Variants in FGF10 observed in about 807,000 individuals in gnomAD.
FGF10 encodes FGF-10.
FGF10 carries 2 observed loss-of-function variants against 19.8 expected under a neutral mutation model. The ratio of observed to expected loss-of-function variants is 0.10; its 90% CI spans 0.04 to 0.32. FGF10 has a LOEUF of 0.32. Ranked by LOEUF, FGF10 falls within the 10% of genes least tolerant of loss-of-function variation. The pLI, the probability that FGF10 is intolerant of heterozygous loss-of-function variation, is 1.00. For synonymous variants in FGF10, 112 were observed against 94.0 expected, an observed-to-expected ratio of 1.19 and a Z score of -1.10; for missense variants, 191 against 246.3, an observed-to-expected ratio of 0.78 and a Z score of 1.50.
intron 1 of FGF10, among the ~76,000 whole-genome samples, chr5:44,380,573 G>C (rs1741963065): frequency 6.6e-6 from 1 of 152,156 alleles, no homozygotes; most frequent in Non-Finnish European, 1.5e-5. Flanking sequence ...ATATTTGACA[G>C]GGGTACACAG....
At chr5:44,324,394 G>T (rs1243059741) in intron 1 of FGF10, among the ~76,000 whole-genome samples, 1 of 152,044 alleles carries the variant, frequency 6.6e-6, no homozygotes, top group Non-Finnish European at 1.5e-5. Flanking sequence ...CTTAGAAGAA[G>T]AATATTGAGA....
At chr5:44,305,565 A>T (rs1740056573) in intron 2 of FGF10, among the ~76,000 whole-genome samples, 1 of 152,156 alleles carries the variant, frequency 6.6e-6, no homozygotes, top group Non-Finnish European at 1.5e-5. Context: ...CTTCTTTTAC[A>T]GTAATAACCA....
intron 1 of FGF10, among the ~76,000 whole-genome samples, chr5:44,357,913 G>A (rs1465554394): frequency 1.3e-5 from 2 of 151,310 alleles, no homozygotes; most frequent in African/African-American, 4.8e-5. Flanking sequence ...ATTCCCCTCT[G>A]TCTCCTCCAG....
chr5:44,365,163 C>T (rs1741575831), intron 1 of FGF10, among the ~76,000 whole-genome samples: 2 of 151,680 alleles, frequency 1.3e-5, no homozygotes, highest in Admixed American at 6.6e-5. Context: ...CCTCTGAAAG[C>T]TCCTTCCATA....
At chr5:44,321,538 C>T (rs1265251823) in intron 1 of FGF10, among the ~76,000 whole-genome samples, 1 of 152,176 alleles carries the variant, frequency 6.6e-6, no homozygotes, top group African/African-American at 2.4e-5. Flanking sequence ...GCTGCCGTGA[C>T]TAAAATGGCT....
intron 1 of FGF10, among the ~76,000 whole-genome samples, chr5:44,340,428 C>T (rs1173780208): frequency 1.3e-5 from 2 of 151,934 alleles, no homozygotes; most frequent in African/African-American, 4.8e-5. Flanking sequence ...ACAGCACCAA[C>T]CTAATAGAAA....
intron 1 of FGF10, among the ~76,000 whole-genome samples, chr5:44,352,865 A>C (rs2111828855): frequency 1.3e-5 from 2 of 151,768 alleles, no homozygotes; most frequent in Middle Eastern, 6.8e-3. Context: ...TATGTCCTCA[A>C]TAAATGCTAA....
intron 1 of FGF10, among the ~76,000 whole-genome samples, chr5:44,326,572 T>A (rs1470394653): frequency 6.6e-6 from 1 of 151,930 alleles, no homozygotes; most frequent in Non-Finnish European, 1.5e-5. Context: ...CTAATTTTTT[T>A]TTTTTTAATA....
chr5:44,388,488 C>A lies in FGF10; in HGVS notation c.195G>T (p.Arg65Ser), dbSNP rs1203071781. Residue 65 changes from arginine to serine, a missense_variant, in exon 1 of 3, where the codon AGG (arginine) becomes AGT (serine). Arg to Ser is a moderately radical substitution (Grantham distance 110). Around this residue, in one of 2 missense-constraint regions of FGF10, gnomAD observed 92 missense variants for 84.6 expected, o/e 1.09. Coordinates refer to ENST00000264664, the MANE Select transcript of FGF10 (RefSeq NM_004465.2). ...GAAGGTGATTGTAGCTCCGCACATGCCTTCCCGCGCTGGAAGGAGAGGAGA... is the reference window on the plus strand; with the variant it reads ...GAAGGTGATTGTAGCTCCGCACATGACTTCCCGCGCTGGAAGGAGAGGAGA... ...SSFSSPSSAGRHVRSYNHLQG... is the reference protein window; with the variant it reads ...SSFSSPSSAGSHVRSYNHLQG... 1.2e-6 allele frequency: 2 copies of A among 1,614,072 alleles called. No individual in the cohort carries two copies. Among genetic ancestry groups the A allele is most frequent in the Admixed American group, 3.3e-5 (2 of 60,012 alleles).
intron 1 of FGF10, among the ~76,000 whole-genome samples, chr5:44,314,095 T>C (rs764339528): frequency 4.6e-5 from 7 of 152,086 alleles, no homozygotes; most frequent in South Asian, 4.2e-4. Flanking sequence ...AACTGAGTCA[T>C]GAAGGTTAAG....
chr5:44,311,522 T>C (rs1195951580), intron 1 of FGF10, among the ~76,000 whole-genome samples: 1 of 152,124 alleles, frequency 6.6e-6, no homozygotes, highest in Non-Finnish European at 1.5e-5. Flanking sequence ...GAGAAGTCAC[T>C]GAAGTGTCCC....
At chr5:44,373,824 C>T (rs774399945) in intron 1 of FGF10, among the ~76,000 whole-genome samples, 14 of 152,086 alleles carry the variant, frequency 9.2e-5, no homozygotes, top group Non-Finnish European at 1.6e-4. Flanking sequence ...TTAAAGAAAT[C>T]CAGGTTTCTT....
intron 1 of FGF10, among the ~76,000 whole-genome samples, chr5:44,331,441 A>G (rs1189387126): frequency 6.6e-6 from 1 of 152,180 alleles, no homozygotes; most frequent in Non-Finnish European, 1.5e-5. Context: ...AGGAAAAGGA[A>G]ACTGGAAATG....
intron 1 of FGF10, among the ~76,000 whole-genome samples, chr5:44,326,071 CA>C (rs1740608263): frequency 6.6e-6 from 1 of 151,920 alleles, no homozygotes; most frequent in Non-Finnish European, 1.5e-5. Flanking sequence ...TTAACCAAAA[CA>C]GAAATAAATA....
At chr5:44,350,336 T>C (rs944078077) in intron 1 of FGF10, among the ~76,000 whole-genome samples, 8 of 150,980 alleles carry the variant, frequency 5.3e-5, no homozygotes, top group African/African-American at 1.9e-4. Flanking sequence ...AAATGTACTG[T>C]ATACAGTATG....
rs143956781 is a variant in FGF10 at position 44,317,889 on chromosome 5, C to T, written c.326-7359G>A. On this transcript the variant is annotated intron_variant, in intron 1 of 2. Coordinates refer to ENST00000264664, the MANE Select transcript of FGF10 (RefSeq NM_004465.2). ...CATTCACAGTGAGACACAAATGACA[C>T]GTGTCTAGGACAGAAATGGATTTGT... is the stretch of plus-strand genomic sequence containing the variant. 2.8e-3 allele frequency among the ~76,000 whole-genome samples: 423 copies of T among 152,176 alleles called. 2 individuals carry two copies. The highest frequency in any genetic ancestry group is 9.5e-3 in the African/African-American group (396 of 41,544).
intron 1 of FGF10, among the ~76,000 whole-genome samples, chr5:44,371,733 T>G (rs1286805538): frequency 2.0e-5 from 3 of 152,162 alleles, no homozygotes; most frequent in Admixed American, 6.5e-5. Flanking sequence ...TTTAAAAGCA[T>G]ATAGTCAACT....
At chr5:44,307,737 C>T (rs148387467) in intron 2 of FGF10, among the ~76,000 whole-genome samples, 8 of 152,228 alleles carry the variant, frequency 5.3e-5, no homozygotes, top group Admixed American at 1.3e-4. Flanking sequence ...ATTAGATATG[C>T]ACTTATAAAT....
At chr5:44,345,059 C>G (rs1334478321) in intron 1 of FGF10, among the ~76,000 whole-genome samples, 1 of 151,582 alleles carries the variant, frequency 6.6e-6, no homozygotes, top group African/African-American at 2.4e-5. Flanking sequence ...TGTATATACA[C>G]TATTTTCAAA....
Sources: gnomAD v4.1 joint callset for allele counts (sites outside exome capture counted in the v4.1 genomes callset) on GRCh38, gnomAD v4.1.1 for gene constraint, gnomAD v4.1.1 regional missense constraint, MANE v1.5 for transcripts, NCBI Gene and HGNC (gene_info 2026-07-23, HGNC 2026-07-21) for gene names.